Variants in ADGRG4 observed in about 807,000 individuals in gnomAD.
ADGRG4 encodes the protein G protein-coupled receptor 112.
In ADGRG4, 122 loss-of-function variants were observed where a neutral mutation model predicts 126.2. The ratio of observed to expected loss-of-function variants is 0.97; its 90% CI spans 0.83 to 1.12. The LOEUF is 1.12. Among genes scored for constraint, ADGRG4 ranks in the 50% most tolerant of loss-of-function variants. ADGRG4 has a pLI of 0.00. For synonymous variants in ADGRG4, 943 were observed against 838.7 expected (o/e 1.12, Z -2.15); for missense variants, 2,481 against 2,251.8 (o/e 1.10, Z -2.06).
intron 21 of ADGRG4, among the ~76,000 whole-genome samples, chrX:136,401,426 G>A (rs2075378742): frequency 9.0e-6 from 1 of 111,227 alleles, no homozygotes; most frequent in Non-Finnish European, 1.9e-5. Context: ...CTTCCTCCAG[G>A]ACTCACTTCT....
chrX:136,339,387 A>G (rs987793126), intron 5 of ADGRG4, among the ~76,000 whole-genome samples: 1 of 112,013 alleles, frequency 8.9e-6, no homozygotes, highest in African/African-American at 3.2e-5. Flanking sequence ...GGTTATGTTC[A>G]ACCAGTGTTT....
In ADGRG4 at chrX:136,406,233, G is replaced by T. The variant is rs942113985; in HGVS notation, c.8935+261G>T. On this transcript the variant is annotated intron_variant, in intron 23 of 25. Coordinates refer to ENST00000394143, the MANE Select transcript of ADGRG4 (RefSeq NM_153834.4). ...TTCATTGTATCAACACATTGTGCTAGAAAATGTACAGATTCACACTCACGT... is the reference window on the plus strand; with the variant it reads ...TTCATTGTATCAACACATTGTGCTATAAAATGTACAGATTCACACTCACGT... Among the ~76,000 whole-genome samples the T allele has an allele frequency of 5.3e-5, 6 of 112,483 alleles. No homozygotes were observed. In the South Asian group the frequency reaches 1.8e-3, roughly 35 times the overall value.
At chrX:136,318,615 TATG>T (rs969135171) in intron 4 of ADGRG4, among the ~76,000 whole-genome samples, 6 of 111,598 alleles carry the variant, frequency 5.4e-5, no homozygotes, top group African/African-American at 2.0e-4. Flanking sequence ...AAGTGAGATT[TATG>T]ATGAGTTTTT....
rs1485027676 is a variant in ADGRG4, at chrX:136,346,431, A to C, written c.2725A>C (p.Ser909Arg). The change falls in exon 6 of 26, where the codon AGT (serine) becomes CGT (arginine). Residue 909 changes from serine (S) to arginine (R), a missense_variant. Transcript: ENST00000394143. ...NKTATTEVRE[S>R]WLLTKLVKTT... ...AACTGCAACAACTGAGGTGAGAGAA[A>C]GTTGGCTTTTGACAAAATTGGTGAA... The C allele has an allele frequency of 8.3e-7, 1 of 1,209,959 alleles. No homozygotes were observed. Among genetic ancestry groups the C allele is most frequent in the African/African-American group, 1.7e-5 (1 of 57,302 alleles).
chrX:136,334,574 C>T (rs113848514), intron 5 of ADGRG4, among the ~76,000 whole-genome samples: 184 of 112,083 alleles, frequency 1.6e-3, no homozygotes, highest in South Asian at 3.0e-3. Flanking sequence ...TCTTCCAATC[C>T]GTGAACACAG....
intron 4 of ADGRG4, among the ~76,000 whole-genome samples, chrX:136,313,354 G>T (rs1004322330): frequency 1.8e-5 from 2 of 111,958 alleles, no homozygotes; most frequent in African/African-American, 6.5e-5. Flanking sequence ...CATCCTATTG[G>T]AAATGAAGTG....
At chrX:136,307,624 A>C (rs1404056201) in intron 3 of ADGRG4, among the ~76,000 whole-genome samples, 1 of 112,812 alleles carries the variant, frequency 8.9e-6, no homozygotes, top group East Asian at 2.8e-4. Context: ...CTTCTGTTAC[A>C]TTAAATGTAA....
At chrX:136,408,397 T>C (rs1227345989) in intron 23 of ADGRG4, among the ~76,000 whole-genome samples, 6 of 111,814 alleles carry the variant, frequency 5.4e-5, no homozygotes, top group Non-Finnish European at 9.4e-5. Flanking sequence ...TCCCCAGTTG[T>C]CTACTGTTGC....
chrX:136,308,220 C>T (rs942839408), intron 3 of ADGRG4, among the ~76,000 whole-genome samples: 8 of 112,750 alleles, frequency 7.1e-5, no homozygotes, highest in African/African-American at 2.6e-4. Flanking sequence ...TCTCCTGCCT[C>T]AGCCTCCCAA....
intron 7 of ADGRG4, 54 bp downstream of exon 7, chrX:136,351,595 C>A: frequency 4.0e-6 from 2 of 501,750 alleles, no homozygotes; most frequent in Non-Finnish European, 6.3e-6. Flanking sequence ...TGAATATATA[C>A]ATTTATATAT....
Position 136,349,650 on chromosome X carries a change from GT to G in ADGRG4, c.5945del (p.Val1982GlufsTer19), listed in dbSNP as rs1847389556. On this transcript the variant is annotated frameshift_variant, in exon 6 of 26. Coordinates refer to ENST00000394143, the MANE Select transcript of ADGRG4 (RefSeq NM_153834.4). LOFTEE classifies it high-confidence loss of function. The part of the protein sequence containing the change: ...KHTFEKMTTS[V>X]TPGTTLPSIL... ...CACATTTGAGAAAATGACCACATCT[GT>G]AACTCCTGGGACCACACTCCCATCA... 1.7e-6 allele frequency: 2 copies of G among 1,207,950 alleles called. No homozygotes were observed. The highest frequency in any genetic ancestry group is 2.2e-5 in the Admixed American group (1 of 45,591).
intron 19 of ADGRG4, among the ~76,000 whole-genome samples, chrX:136,396,383 A>G (rs1236108220): frequency 1.9e-5 from 2 of 103,190 alleles, no homozygotes; most frequent in Non-Finnish European, 3.9e-5. Context: ...ATATATATAT[A>G]TATGTATGTA....
Position 136,416,744 on chromosome X carries a change from A to T in ADGRG4, c.*253A>T, listed in dbSNP as rs1316358086. On this transcript the variant is annotated 3_prime_UTR_variant, in exon 26 of 26. Coordinates refer to ENST00000394143, the MANE Select transcript of ADGRG4 (RefSeq NM_153834.4). ...CAAACAGAATTTTTCAATAAATCCC[A>T]GTAGAGATACTTGCCTCCTCCCAAC... 2.8e-5 allele frequency: 7 copies of T among 250,989 alleles called. No individual in the cohort carries two copies. The highest frequency in any genetic ancestry group is 1.9e-4 in the South Asian group (1 of 5,162). 20.7% of individuals were successfully genotyped at this position (250,989 alleles called of 1,213,427 possible).
chrX:136,331,169 G>C (rs185183564), intron 5 of ADGRG4, among the ~76,000 whole-genome samples: 10 of 112,164 alleles, frequency 8.9e-5, no homozygotes, highest in Non-Finnish European at 1.1e-4. Context: ...TGTTGCAAAT[G>C]ACTGGATCTC....
At chrX:136,358,188 CA>C (rs1197440023) in intron 10 of ADGRG4, among the ~76,000 whole-genome samples, 1 of 110,637 alleles carries the variant, frequency 9.0e-6, no homozygotes, top group Non-Finnish European at 1.9e-5. Flanking sequence ...AACATATAGT[CA>C]AAAAAGGCCC....
chrX:136,340,069 A>T (rs772680828), intron 5 of ADGRG4, among the ~76,000 whole-genome samples: 5 of 112,103 alleles, frequency 4.5e-5, no homozygotes, highest in Non-Finnish European at 7.5e-5. Flanking sequence ...AAGCAGAAGT[A>T]AAGTGAACCT....
intron 15 of ADGRG4, among the ~76,000 whole-genome samples, chrX:136,380,858 C>T (rs803183): frequency 0.35 from 36,874 of 106,789 alleles, 5,071 homozygotes; most frequent in Non-Finnish European, 0.4. Context: ...ACTACAGGCA[C>T]GTACCACCAC....
Position 136,364,654 on chromosome X carries a change from CAT to C in ADGRG4, c.7396+1060_7396+1061del, listed in dbSNP as rs202043965. Among the ~76,000 whole-genome samples, 606 of 111,384 alleles carry C rather than the reference CAT, an allele frequency of 5.4e-3. 6 individuals carry two copies. The highest frequency in any genetic ancestry group is 0.018 in the African/African-American group (562 of 30,677). ...TATAACATATTTTTAAAAATACTCA[CAT>C]GTTTGATAGTGTATAAGATGTTTTA... On this transcript the variant is annotated intron_variant, in intron 13 of 25. Coordinates refer to ENST00000394143, the MANE Select transcript of ADGRG4 (RefSeq NM_153834.4).
intron 14 of ADGRG4, 80 bp from the exon 15 acceptor site, chrX:136,372,822 G>T: frequency 2.1e-6 from 2 of 964,331 alleles, no homozygotes; most frequent in South Asian, 2.0e-5. Flanking sequence ...GAAAAGTCTT[G>T]CAATAAGGAA....
Sources: gnomAD v4.1 joint callset for allele counts (sites outside exome capture counted in the v4.1 genomes callset) on GRCh38, gnomAD v4.1.1 for gene constraint, MANE v1.5 for transcripts, NCBI Gene and HGNC (gene_info 2026-07-23, HGNC 2026-07-21) for gene names.